The following CADM2 variants were observed in gnomAD, a reference collection of about 807,000 sequenced individuals.
CADM2 encodes the protein cell adhesion molecule 2.
CADM2 carries 12 observed loss-of-function variants against 49.8 expected under a neutral mutation model. That is an observed-to-expected ratio of 0.24 (90% CI 0.15 to 0.39). The LOEUF (loss-of-function observed/expected upper bound fraction) is 0.39, where lower values mean the gene tolerates loss of function less well. Among genes scored for constraint, CADM2 ranks in the 10% least tolerant of loss-of-function variants. The pLI is 1.00. For synonymous variants in CADM2, 214 were observed against 175.4 expected, an observed-to-expected ratio of 1.22 and a Z score of -1.74; for missense variants, 378 against 492.3, an observed-to-expected ratio of 0.77 and a Z score of 2.20.
intron 1 of CADM2, among the ~76,000 whole-genome samples, chr3:85,104,830 C>A (rs1473739102): frequency 6.7e-6 from 1 of 149,158 alleles, no homozygotes; most frequent in Non-Finnish European, 1.5e-5. Flanking sequence ...CTCCTTGAAG[C>A]AATTGTGAAT....
At chr3:86,040,172 G>A (rs1032312719) in intron 8 of CADM2, among the ~76,000 whole-genome samples, 2 of 152,114 alleles carry the variant, frequency 1.3e-5, no homozygotes, top group African/African-American at 2.4e-5. Context: ...AAAAATCAGA[G>A]CACCTCTCCT....
chr3:85,123,667 T>C (rs2038936695), intron 1 of CADM2, among the ~76,000 whole-genome samples: 2 of 152,198 alleles, frequency 1.3e-5, no homozygotes, highest in East Asian at 3.9e-4. Flanking sequence ...AGGAGGCAAA[T>C]TGTTTAATTA....
chr3:85,115,894 T>C (rs1442568325), intron 1 of CADM2, among the ~76,000 whole-genome samples: 6 of 152,198 alleles, frequency 3.9e-5, no homozygotes, highest in Non-Finnish European at 8.8e-5. Context: ...CTTGTACGCA[T>C]CTTTGAAGAA....
rs537319401 is a variant in CADM2, at chr3:85,108,740, G to A, written c.61+149072G>A. 7.2e-5 allele frequency among the ~76,000 whole-genome samples: 11 copies of A among 151,904 alleles called. No individual in the cohort carries two copies. The South Asian group carries it at 2.3e-3, about 32-fold the overall frequency. On this transcript the variant is annotated intron_variant, in intron 1 of 9. Transcript: ENST00000383699. Reference sequence around the variant, plus strand: ...GGCAGATTAAGAAATAGATAGAAGGGATGTAAACTTTACAATAAATTGTTA... The same window carrying A: ...GGCAGATTAAGAAATAGATAGAAGGAATGTAAACTTTACAATAAATTGTTA...
At chr3:85,929,528 A>G (rs1244729176) in intron 6 of CADM2, among the ~76,000 whole-genome samples, 1 of 152,042 alleles carries the variant, frequency 6.6e-6, no homozygotes, top group Non-Finnish European at 1.5e-5. Flanking sequence ...GTGGAGTAAC[A>G]TATTAAGTGC....
intron 1 of CADM2, among the ~76,000 whole-genome samples, chr3:85,093,893 C>A (rs1037328457): frequency 2.0e-5 from 3 of 151,930 alleles, no homozygotes; most frequent in Admixed American, 2.0e-4. Flanking sequence ...GAGTCCATTC[C>A]TGTGGGATGG....
intron 1 of CADM2, among the ~76,000 whole-genome samples, chr3:85,308,209 G>T (rs1035251623): frequency 2.6e-5 from 4 of 151,544 alleles, no homozygotes; most frequent in East Asian, 1.9e-4. Context: ...ACTGAGTAGG[G>T]TGTGGGTTTT....
chr3:85,804,271 A>G (rs1234451195), intron 3 of CADM2, among the ~76,000 whole-genome samples: 6 of 152,120 alleles, frequency 3.9e-5, no homozygotes, highest in Admixed American at 3.9e-4. Context: ...AACTAAATAT[A>G]TTATTATATT....
chr3:86,062,631 T>C (rs1203443195), intron 8 of CADM2, among the ~76,000 whole-genome samples: 1 of 148,876 alleles, frequency 6.7e-6, no homozygotes, highest in Non-Finnish European at 1.5e-5. Flanking sequence ...AATACAAAAA[T>C]TAGCCGAGGC....
At chr3:84,960,240 G>A (rs2030343053) in intron 1 of CADM2, 1 of 152,878 alleles carries the variant, frequency 6.5e-6, no homozygotes, top group African/African-American at 2.4e-5. Context: ...ACATCCCCGG[G>A]GGGGAAATGT....
intron 8 of CADM2, among the ~76,000 whole-genome samples, chr3:86,010,561 A>C (rs1731370531): frequency 6.6e-6 from 1 of 151,342 alleles, no homozygotes; most frequent in East Asian, 1.9e-4. Context: ...AGCTAACCTA[A>C]CAAATATATA....
At chr3:85,719,125 G>T (rs931738913) in intron 1 of CADM2, among the ~76,000 whole-genome samples, 8 of 151,818 alleles carry the variant, frequency 5.3e-5, no homozygotes, top group African/African-American at 1.2e-4. Context: ...ATTGGTCAGG[G>T]TGGAAATATT....
chr3:85,452,689 T>G (rs1302692181), intron 1 of CADM2, among the ~76,000 whole-genome samples: 1 of 152,164 alleles, frequency 6.6e-6, no homozygotes, highest in Non-Finnish European at 1.5e-5. Flanking sequence ...TAGCTCATCC[T>G]AAGAGATAAT....
At chr3:85,386,567 A>T (rs2034244503) in intron 1 of CADM2, among the ~76,000 whole-genome samples, 1 of 152,164 alleles carries the variant, frequency 6.6e-6, no homozygotes, top group African/African-American at 2.4e-5. Flanking sequence ...CAGAATTTCA[A>T]ACCTGGGCTG....
intron 1 of CADM2, among the ~76,000 whole-genome samples, chr3:85,396,348 A>C (rs958734691): frequency 6.6e-6 from 1 of 151,972 alleles, no homozygotes; most frequent in African/African-American, 2.4e-5. Context: ...ATGAGAAATA[A>C]CTGGAGCCCC....
chr3:85,273,828 A>C lies in CADM2; in HGVS notation c.61+314160A>C, dbSNP rs1033787303. ...AGTCATTTTCACATCTGTGGTAATTAAAACCATGATATTGGATGAAATCCC... is the reference window on the plus strand; with the variant it reads ...AGTCATTTTCACATCTGTGGTAATTCAAACCATGATATTGGATGAAATCCC... On this transcript the variant is annotated intron_variant, in intron 1 of 9. Coordinates refer to ENST00000383699, the MANE Select transcript of CADM2 (RefSeq NM_001167675.2). Among the ~76,000 whole-genome samples, 4 of 151,594 alleles carry C rather than the reference A, an allele frequency of 2.6e-5. No individual in the cohort carries two copies. In the East Asian group the frequency reaches 7.8e-4, roughly 30 times the overall value.
intron 1 of CADM2, among the ~76,000 whole-genome samples, chr3:85,653,335 A>G (rs1188228422): frequency 6.8e-6 from 1 of 147,320 alleles, no homozygotes. Flanking sequence ...GTGACAGGTG[A>G]TAGCATCCTA....
chr3:86,038,788 A>G (rs1001414012), intron 8 of CADM2, among the ~76,000 whole-genome samples: 1 of 152,132 alleles, frequency 6.6e-6, no homozygotes, highest in Non-Finnish European at 1.5e-5. Flanking sequence ...CACTACTTTT[A>G]TTTTACATGT....
At chr3:85,165,300 T>C (rs1040317889) in intron 1 of CADM2, among the ~76,000 whole-genome samples, 6 of 151,906 alleles carry the variant, frequency 3.9e-5, no homozygotes, top group Non-Finnish European at 1.5e-5. Context: ...GAAAGCAAAA[T>C]TAACCTTATT....
Sources: allele counts gnomAD v4.1 joint callset (sites outside exome capture counted in the v4.1 genomes callset), GRCh38; gene constraint gnomAD v4.1.1; transcripts MANE v1.5; gene names NCBI Gene and HGNC (gene_info 2026-07-23, HGNC 2026-07-21).